ITPR2: variants seen among roughly 807,000 people sequenced by gnomAD.
ITPR2 encodes inositol 1,4,5-trisphosphate-gated calcium channel ITPR2.
Under a neutral mutation model 317.1 loss-of-function variants are expected in ITPR2, and 207 were observed. The ratio of observed to expected loss-of-function variants is 0.65; its 90% CI spans 0.58 to 0.73. The LOEUF is 0.73. ITPR2 is among the 30% of genes least tolerant of loss of function. The probability of loss-of-function intolerance (pLI) is 0.00; values close to 1 mark genes in which losing one functional copy is unlikely to be tolerated. For synonymous variants in ITPR2, 1,156 were observed against 1,149.1 expected (o/e 1.01, Z -0.12); for missense variants, 2,613 against 3,284.0 (o/e 0.80, Z 4.99).
At chr12:26,578,025 A>G (rs1209373293) in intron 34 of ITPR2, among the ~76,000 whole-genome samples, 1 of 152,194 alleles carries the variant, frequency 6.6e-6, no homozygotes, top group Non-Finnish European at 1.5e-5. Flanking sequence ...GAAATACGCT[A>G]CAAACTGCCT....
chr12:26,434,196 A>T (rs12424119), intron 48 of ITPR2, among the ~76,000 whole-genome samples: 24,860 of 152,008 alleles, frequency 0.16, 2,650 homozygotes, highest in East Asian at 0.37. Context: ...TAAAAAATAC[A>T]TATTTTTGGA....
rs373080530 is a variant in ITPR2 at position 26,487,103 on chromosome 12, T to C, written c.5519A>G (p.Asp1840Gly). Residue 1840 changes from aspartate to glycine, a missense_variant, in exon 40 of 57, where the codon GAC becomes GGC. This residue lies in a region of ITPR2 where 926 missense variants were observed against 1,072.8 expected (regional missense o/e 0.86). Coordinates refer to ENST00000381340, the MANE Select transcript of ITPR2 (RefSeq NM_002223.4). The part of the protein sequence containing the change: ...IDLGNKKRDD[D>G]NELMTSGPRM... ...TGGACCAGATGTCATCAATTCATTGTCATCGTCCCTTTTTTTGTTACCTAA... is the reference window on the plus strand; with the variant it reads ...TGGACCAGATGTCATCAATTCATTGCCATCGTCCCTTTTTTTGTTACCTAA... 6.2e-7 allele frequency: 1 copy of C among 1,612,226 alleles called. No homozygotes were observed. The highest frequency in any genetic ancestry group is 1.3e-5 in the African/African-American group (1 of 74,706).
intron 54 of ITPR2, among the ~76,000 whole-genome samples, chr12:26,391,605 C>T (rs1228076348): frequency 8.0e-6 from 1 of 124,906 alleles, no homozygotes; most frequent in East Asian, 2.5e-4. Context: ...TGCTCTGTCA[C>T]CCAGGCTGGA....
At chr12:26,576,366 G>T (rs1393416) in intron 34 of ITPR2, among the ~76,000 whole-genome samples, 47,295 of 151,728 alleles carry the variant, frequency 0.31, 8,373 homozygotes, top group Non-Finnish European at 0.4. Context: ...TAAAAATTAC[G>T]TTCTCTTTCT....
At chr12:26,772,783 A>G (rs1323252336) in intron 2 of ITPR2, among the ~76,000 whole-genome samples, 1 of 151,490 alleles carries the variant, frequency 6.6e-6, no homozygotes, top group Non-Finnish European at 1.5e-5. Context: ...CACGAGCAGA[A>G]CATGCAGGTT....
At chr12:26,460,420 G>A (rs973877058) in intron 45 of ITPR2, among the ~76,000 whole-genome samples, 4 of 152,168 alleles carry the variant, frequency 2.6e-5, no homozygotes, top group African/African-American at 9.7e-5. Context: ...TGTATAAGTG[G>A]CAGAGGTTAA....
intron 2 of ITPR2, among the ~76,000 whole-genome samples, chr12:26,741,797 G>A (rs1467298697): frequency 6.6e-6 from 1 of 152,190 alleles, no homozygotes; most frequent in African/African-American, 2.4e-5. Context: ...AATCACTCCT[G>A]AAAGGGAGTG....
chr12:26,671,819 G>C (rs1337471622), intron 13 of ITPR2, among the ~76,000 whole-genome samples: 1 of 152,138 alleles, frequency 6.6e-6, no homozygotes, highest in Admixed American at 6.5e-5. Flanking sequence ...CACGTGCAGA[G>C]ACACACATAG....
chr12:26,646,644 T>A (rs1947120448), intron 21 of ITPR2, among the ~76,000 whole-genome samples: 1 of 152,160 alleles, frequency 6.6e-6, no homozygotes, highest in East Asian at 1.9e-4. Context: ...TGTAAGTCAC[T>A]CGGGACAGCA....
intron 49 of ITPR2, among the ~76,000 whole-genome samples, chr12:26,420,261 T>A (rs562635240): frequency 2.0e-4 from 31 of 152,300 alleles, no homozygotes; most frequent in African/African-American, 7.2e-4. Flanking sequence ...TTGCTCTTCC[T>A]AATTGTTCCG....
intron 37 of ITPR2, among the ~76,000 whole-genome samples, chr12:26,523,548 T>C (rs1419092455): frequency 6.6e-6 from 1 of 151,706 alleles, no homozygotes; most frequent in Non-Finnish European, 1.5e-5. Flanking sequence ...AAAAGCCTAC[T>C]GCTAACTGTC....
intron 34 of ITPR2, among the ~76,000 whole-genome samples, chr12:26,567,717 T>C (rs1259313238): frequency 6.6e-6 from 1 of 151,708 alleles, no homozygotes; most frequent in East Asian, 1.9e-4. Flanking sequence ...CCAAATAGTA[T>C]AAATACTAAT....
intron 31 of ITPR2, among the ~76,000 whole-genome samples, chr12:26,595,935 C>T (rs1225860920): frequency 6.6e-6 from 1 of 152,168 alleles, no homozygotes; most frequent in Non-Finnish European, 1.5e-5. Context: ...CCCTCCCCTC[C>T]AATCCCCTCC....
intron 32 of ITPR2, among the ~76,000 whole-genome samples, chr12:26,593,721 T>C (rs1408403560): frequency 1.3e-4 from 16 of 124,336 alleles, no homozygotes; most frequent in Non-Finnish European, 1.7e-5. Flanking sequence ...ATAGTTAAAA[T>C]CATTGCTATT....
chr12:26,800,383 T>A (rs1565775770), intron 1 of ITPR2, among the ~76,000 whole-genome samples: 1 of 152,124 alleles, frequency 6.6e-6, no homozygotes, highest in African/African-American at 2.4e-5. Flanking sequence ...AATTATCAAC[T>A]AAAAAATATA....
chr12:26,751,048 G>A (rs1195736423), intron 2 of ITPR2, among the ~76,000 whole-genome samples: 1 of 152,048 alleles, frequency 6.6e-6, no homozygotes, highest in Non-Finnish European at 1.5e-5. Context: ...GGTTCAAAAA[G>A]GGTGTGCACA....
Position 26,691,094 on chromosome 12 carries a change from A to T in ITPR2, c.997-4462T>A, listed in dbSNP as rs1592042276. On this transcript the variant is annotated intron_variant, in intron 10 of 56. Coordinates refer to ENST00000381340, the MANE Select transcript of ITPR2 (RefSeq NM_002223.4). ...TGCACTCTGTTAATTTGCTTAATAA[A>T]CTCTCTTGGTAGACAGTCTGACAGT... Among the ~76,000 whole-genome samples the T allele has an allele frequency of 3.3e-5, 5 of 151,800 alleles. No individual in the cohort carries two copies. The South Asian group carries it at 1.0e-3, about 32-fold the overall frequency.
At chr12:26,384,947 T>C (rs1175473096) in intron 55 of ITPR2, among the ~76,000 whole-genome samples, 1 of 152,198 alleles carries the variant, frequency 6.6e-6, no homozygotes, top group Non-Finnish European at 1.5e-5. Flanking sequence ...CCCACCATTC[T>C]CTAATCTGAC....
chr12:26,719,472 G>A (rs1040784772), intron 5 of ITPR2, among the ~76,000 whole-genome samples: 7 of 152,102 alleles, frequency 4.6e-5, no homozygotes, highest in African/African-American at 1.4e-4. Flanking sequence ...CTGAGATTTC[G>A]CTGAAAATAA....
Sources: allele counts gnomAD v4.1 joint callset (sites outside exome capture counted in the v4.1 genomes callset), GRCh38; gene constraint gnomAD v4.1.1; regional missense constraint gnomAD v4.1.1; transcripts MANE v1.5; gene names NCBI Gene and HGNC (gene_info 2026-07-23, HGNC 2026-07-21).